Variants in CDK20 observed in about 807,000 individuals in gnomAD.
CDK20 encodes the protein cyclin dependent kinase 20, also known as cyclin-dependent kinase 20.
In CDK20, 40 loss-of-function variants were observed where a neutral mutation model predicts 38.6. The ratio of observed to expected loss-of-function variants is 1.04; its 90% confidence interval spans 0.81 to 1.35. CDK20 has a LOEUF of 1.35. Among genes scored for constraint, CDK20 ranks in the 40% most tolerant of loss-of-function variants. CDK20 has a pLI of 0.00. For synonymous variants in CDK20, 209 were observed against 185.7 expected (o/e 1.13, Z -1.02); for missense variants, 512 against 452.6 (o/e 1.13, Z -1.19).
Position 87,974,011 on chromosome 9 carries a change from T to C in CDK20, c.100A>G (p.Lys34Glu), listed in dbSNP as rs147786114. 5.9e-5 allele frequency: 96 copies of C among 1,613,998 alleles called. No homozygotes were observed. The highest frequency in any genetic ancestry group is 8.0e-5 in the African/African-American group (6 of 74,910). Reference protein sequence around the residue: ...VETGEIVALKKVALRRLEDGF... With the variant: ...VETGEIVALKEVALRRLEDGF... ...TCCTCCAACCGCCTTAGGGCCACCT[T>C]CTTGAGGGCAACTATCTCGCCAGTC... Residue 34 changes from lysine to glutamate, a missense_variant, in exon 2 of 8, where the codon AAG (lysine) becomes GAG (glutamate). By Grantham distance (56) the Lys-to-Glu change is moderately conservative. Transcript: ENST00000325303.
chr9:87,972,486 G>C (rs1829929854), intron 2 of CDK20, among the ~76,000 whole-genome samples: 1 of 152,190 alleles, frequency 6.6e-6, no homozygotes, highest in Admixed American at 6.5e-5. Context: ...CTGGAGAGAT[G>C]CCTAAGAAGT....
intron 6 of CDK20, 185 bp downstream of exon 6, chr9:87,969,611 G>C (rs1003230096): frequency 1.3e-5 from 12 of 955,188 alleles, no homozygotes; most frequent in Non-Finnish European, 1.9e-5. Flanking sequence ...ACAAAGGACA[G>C]GATCTACCCC....
chr9:87,970,073 C>T, intron 5 of CDK20, 154 bp from the exon 6 acceptor site: 1 of 808,076 alleles, frequency 1.2e-6, no homozygotes. Flanking sequence ...ACCCTCAAAG[C>T]CCTCAACCCT....
At position 87,969,569 on chromosome 9, in the gene CDK20, C is replaced by T. The variant is rs556316450; in HGVS notation, c.688-220G>A. On this transcript the variant is annotated intron_variant, in intron 6 of 7. Coordinates refer to ENST00000325303, the MANE Select transcript of CDK20 (RefSeq NM_001039803.3). ...CGACTCTGTGCACAGCTTGCTGAGA[C>T]ACTGCACATGTGTGTACTGGGGTGA... is the stretch of plus-strand genomic sequence containing the variant. 16 of 768,374 alleles carry T rather than the reference C, an allele frequency of 2.1e-5. No individual in the cohort carries two copies. In the South Asian group the frequency reaches 2.3e-4, roughly 11 times the overall value. The allele number at this position is 768,374 out of a possible 1,614,324, so 47.6% of individuals were successfully genotyped here.
chr9:87,974,271 CTG>C (rs1318755220), intron 1 of CDK20, 99 bp downstream of exon 1: 58 of 1,332,532 alleles, frequency 4.4e-5, no homozygotes, highest in South Asian at 1.1e-4. Flanking sequence ...GTTTTAAAAA[CTG>C]TACTGGATGT....
chr9:87,970,462 G>A, intron 5 of CDK20, 106 bp downstream of exon 5: 2 of 1,048,842 alleles, frequency 1.9e-6, no homozygotes, highest in Non-Finnish European at 2.8e-6. Flanking sequence ...CCTTAAGGAA[G>A]CCTAAACTCC....
chr9:87,971,610 C>T (rs1420225797), intron 2 of CDK20, among the ~76,000 whole-genome samples: 2 of 152,162 alleles, frequency 1.3e-5, no homozygotes, highest in Admixed American at 6.5e-5. Context: ...GCCCACCCAG[C>T]CTACCCGCCT....
At position 87,970,783 on chromosome 9, in the gene CDK20, C is replaced by T. The variant is rs1829792383; in HGVS notation, c.493G>A (p.Ala165Thr). The change falls in exon 4 of 8, where the codon GCC becomes ACC. Residue 165 changes from alanine to threonine, a missense_variant. Transcript: ENST00000325303. ...GGATCTGGCCCTCCCTACCTGGTGGCCACCTGGTGTGTGTAGAGGCGGCTG... is the reference window on the plus strand; with the variant it reads ...GGATCTGGCCCTCCCTACCTGGTGGTCACCTGGTGTGTGTAGAGGCGGCTG... ...DGSRLYTHQV[A>T]TRWYRAPELL... 1.2e-6 allele frequency: 2 copies of T among 1,614,126 alleles called. No individual in the cohort carries two copies. The highest frequency in any genetic ancestry group is 1.7e-6 in the Non-Finnish European group (2 of 1,179,990).
intron 2 of CDK20, among the ~76,000 whole-genome samples, chr9:87,973,066 A>C (rs989911798): frequency 3.9e-5 from 6 of 152,188 alleles, no homozygotes; most frequent in African/African-American, 1.4e-4. Flanking sequence ...ATATTTCCAA[A>C]CAAAACCCAG....
At chr9:87,974,281 T>G in intron 1 of CDK20, 91 bp downstream of exon 1, 2 of 1,378,408 alleles carry the variant, frequency 1.5e-6, no homozygotes, top group South Asian at 1.2e-5. Flanking sequence ...CTGTACTGGA[T>G]GTAAAAAGGG....
At chr9:87,970,679 G>C in intron 4 of CDK20, 49 bp from the exon 5 acceptor site, 2 of 1,613,534 alleles carry the variant, frequency 1.2e-6, no homozygotes, top group Non-Finnish European at 1.7e-6. Flanking sequence ...AGGATGCCTG[G>C]GGAGGTGACC....
chr9:87,972,870 T>G (rs998767729), intron 2 of CDK20, among the ~76,000 whole-genome samples: 5 of 152,208 alleles, frequency 3.3e-5, no homozygotes, highest in African/African-American at 7.2e-5. Context: ...ATGGCCTGAT[T>G]GCTGTTTTCG....
Position 87,966,864 on chromosome 9 carries a change from G to C in CDK20, c.*598C>G, listed in dbSNP as rs1384920813. ...AGTCCCTCAGGGCAAAAGTGGCTAT[G>C]CCTGGTGCTACCCTCCCCATGACCC... is the stretch of plus-strand genomic sequence containing the variant. On this transcript the variant is annotated 3_prime_UTR_variant, in exon 8 of 8. Transcript: ENST00000325303. The C allele has an allele frequency of 5.5e-6, 2 of 364,646 alleles. No homozygotes were observed. The highest frequency in any genetic ancestry group is 3.6e-5 in the Admixed American group (1 of 27,936). 22.6% of individuals were successfully genotyped at this position (364,646 alleles called of 1,614,324 possible).
rs1829835728 is a variant in CDK20 at position 87,971,238 on chromosome 9, T to C, written c.287A>G (p.Gln96Arg). ...SDLAEVVRHA[Q>R]RPLAQAQVKS... The stretch of plus-strand genomic sequence containing the variant: ...GACCTGTGCCTGGGCTAGTGGCCTC[T>C]GGGCATGGCGCACCACCTCGGCCAG... The change falls in exon 3 of 8, where the codon CAG (glutamine) becomes CGG (arginine). Residue 96 changes from glutamine (Q) to arginine (R), a missense_variant. Coordinates refer to ENST00000325303, the MANE Select transcript of CDK20 (RefSeq NM_001039803.3). 4 of 1,614,016 alleles carry C rather than the reference T, an allele frequency of 2.5e-6. No individual in the cohort carries two copies. Among genetic ancestry groups the C allele is most frequent in the Admixed American group, 1.7e-5 (1 of 59,988 alleles).
Position 87,970,582 on chromosome 9 carries a change from C to T in CDK20, c.549G>A (p.Gln183=). ...AGGGGTCTCACCACAGATCGACGCCCTGGTCATACTGGCGGGCACCATACA... is the reference window on the plus strand; with the variant it reads ...AGGGGTCTCACCACAGATCGACGCCTTGGTCATACTGGCGGGCACCATACA... ...ELLYGARQYD[Q]GVDLWSVGCI... The change falls in exon 5 of 8, where the codon CAG becomes CAA. Residue 183 remains glutamine, a synonymous_variant. Coordinates refer to ENST00000325303, the MANE Select transcript of CDK20 (RefSeq NM_001039803.3). 1 of 1,614,112 alleles carries T rather than the reference C, an allele frequency of 6.2e-7. No homozygotes were observed. Among genetic ancestry groups the T allele is most frequent in the African/African-American group, 1.3e-5 (1 of 75,036 alleles).
Position 87,970,887 on chromosome 9 carries a change from G to T in CDK20, c.389C>A (p.Pro130His). Residue 130 changes from proline to histidine, a missense_variant, in exon 4 of 8, where the codon CCT (proline) becomes CAT (histidine). Physicochemically the swap from Pro to His is moderately conservative, Grantham distance 77. Transcript: ENST00000325303. ...ANNIVHRDLKPANLLISASGQ... is the reference protein window; with the variant it reads ...ANNIVHRDLKHANLLISASGQ... ...TGAGGCGCTGATGAGCAGGTTGGCA[G>T]GTTTCAGGTCCTGGGAGTACCAAAA... 6.2e-7 allele frequency: 1 copy of T among 1,614,202 alleles called. No individual in the cohort carries two copies. The highest frequency in any genetic ancestry group is 8.5e-7 in the Non-Finnish European group (1 of 1,180,040).
intron 2 of CDK20, among the ~76,000 whole-genome samples, chr9:87,971,884 A>G (rs1252906673): frequency 6.6e-6 from 1 of 152,246 alleles, no homozygotes; most frequent in Admixed American, 6.5e-5. Flanking sequence ...AAAGGGATAT[A>G]TTCAGATTCT....
rs1051548440 is a variant in CDK20 at position 87,974,357 on chromosome 9, G to C, written c.75+15C>G. On this transcript the variant is annotated intron_variant, in intron 1 of 7. Coordinates refer to ENST00000325303, the MANE Select transcript of CDK20 (RefSeq NM_001039803.3). Reference sequence around the variant, plus strand: ...GCACACCCCCGCCAGGCTGCCGGCCGCGGTCCAGCCTCACCTCCACGTGCT... The same window carrying C: ...GCACACCCCCGCCAGGCTGCCGGCCCCGGTCCAGCCTCACCTCCACGTGCT... 6.2e-7 allele frequency: 1 copy of C among 1,609,874 alleles called. No individual in the cohort carries two copies. The highest frequency in any genetic ancestry group is 8.5e-7 in the Non-Finnish European group (1 of 1,179,252).
Position 87,969,294 on chromosome 9 carries a change from A to C in CDK20, c.743T>G (p.Met248Arg). 6.2e-7 allele frequency: 1 copy of C among 1,614,058 alleles called. No homozygotes were observed. Among genetic ancestry groups the C allele is most frequent in the Non-Finnish European group, 8.5e-7 (1 of 1,179,940 alleles). The change falls in exon 7 of 8, where the codon ATG (methionine) becomes AGG (arginine). Residue 248 changes from methionine (M) to arginine (R), a missense_variant. Coordinates refer to ENST00000325303, the MANE Select transcript of CDK20 (RefSeq NM_001039803.3). ...GTCAGGCAGCACCTCCTCCAGGGGCATGGGCACCTGCTCCTTAAAGGAGAT... is the reference window on the plus strand; with the variant it reads ...GTCAGGCAGCACCTCCTCCAGGGGCCTGGGCACCTGCTCCTTAAAGGAGAT... ...NKISFKEQVP[M>R]PLEEVLPDVS...
Sources: allele counts gnomAD v4.1 joint callset (sites outside exome capture counted in the v4.1 genomes callset), GRCh38; gene constraint gnomAD v4.1.1; transcripts MANE v1.5; gene names NCBI Gene and HGNC (gene_info 2026-07-23, HGNC 2026-07-21).